DPP10: variants seen among roughly 807,000 people sequenced by gnomAD.
The protein encoded by DPP10 is dipeptidyl peptidase like 10.
A neutral mutation model predicts 120.9 loss-of-function variants in DPP10; 33 were observed. That is an observed-to-expected ratio of 0.27 (90% CI 0.21 to 0.37). The LOEUF is 0.37. DPP10 is among the 10% of genes least tolerant of loss of function. The pLI, the probability that DPP10 is intolerant of heterozygous loss-of-function variation, is 1.00. For missense variants in DPP10, 816 were observed against 942.8 expected, an observed-to-expected ratio of 0.87 and a Z score of 1.76; for synonymous variants, 337 against 326.1, an observed-to-expected ratio of 1.03 and a Z score of -0.36.
chr2:114,737,314 T>C (rs1458949915), intron 1 of DPP10, among the ~76,000 whole-genome samples: 1 of 152,216 alleles, frequency 6.6e-6, no homozygotes, highest in Non-Finnish European at 1.5e-5. Context: ...AACTGGTGTC[T>C]GATTGAAGAA....
At chr2:114,586,560 GATAA>G (rs1690998101) in intron 1 of DPP10, among the ~76,000 whole-genome samples, 1 of 152,206 alleles carries the variant, frequency 6.6e-6, no homozygotes, top group Non-Finnish European at 1.5e-5. Context: ...TTAAGTACTT[GATAA>G]ATAGTCACTA....
chr2:115,558,765 G>A (rs1334271809), intron 5 of DPP10, among the ~76,000 whole-genome samples: 4 of 152,058 alleles, frequency 2.6e-5, no homozygotes, highest in Admixed American at 1.3e-4. Context: ...TACAACTGAG[G>A]CATCAACAAA....
intron 1 of DPP10, among the ~76,000 whole-genome samples, chr2:115,131,624 A>C (rs2050364871): frequency 6.6e-6 from 1 of 152,222 alleles, no homozygotes; most frequent in Admixed American, 6.5e-5. Context: ...AATAAAAAAC[A>C]TGCTTTCAAA....
intron 3 of DPP10, among the ~76,000 whole-genome samples, chr2:115,428,727 A>C (rs1268535092): frequency 6.6e-6 from 1 of 152,194 alleles, no homozygotes. Context: ...CTTGAACATA[A>C]ATTTAACTTC....
At chr2:114,930,529 T>G (rs1695990680) in intron 1 of DPP10, among the ~76,000 whole-genome samples, 1 of 152,258 alleles carries the variant, frequency 6.6e-6, no homozygotes, top group Non-Finnish European at 1.5e-5. Context: ...TGCTTTACTT[T>G]CCAGTAAGTT....
intron 1 of DPP10, among the ~76,000 whole-genome samples, chr2:114,582,533 C>T (rs1305450768): frequency 6.6e-6 from 1 of 152,204 alleles, no homozygotes; most frequent in Non-Finnish European, 1.5e-5. Flanking sequence ...TTCAAAGTGG[C>T]TGTGCCATTC....
At chr2:115,590,289 G>T (rs1210324984) in intron 5 of DPP10, among the ~76,000 whole-genome samples, 8 of 151,746 alleles carry the variant, frequency 5.3e-5, no homozygotes, top group Admixed American at 2.6e-4. Flanking sequence ...TTTACATTAG[G>T]TATATCTCCT....
At chr2:115,557,333 C>T (rs1377271613) in intron 5 of DPP10, among the ~76,000 whole-genome samples, 2 of 152,070 alleles carry the variant, frequency 1.3e-5, no homozygotes, top group African/African-American at 4.8e-5. Flanking sequence ...TTGATGAAAG[C>T]CTACCATATA....
intron 1 of DPP10, among the ~76,000 whole-genome samples, chr2:114,988,393 A>G (rs1270568816): frequency 6.6e-6 from 1 of 152,248 alleles, no homozygotes; most frequent in African/African-American, 2.4e-5. Context: ...AGCTGACCAC[A>G]TATGTGAGAA....
chr2:114,973,308 A>G (rs1007166174), intron 1 of DPP10, among the ~76,000 whole-genome samples: 1 of 151,882 alleles, frequency 6.6e-6, no homozygotes, highest in African/African-American at 2.4e-5. Flanking sequence ...ACTCGTTTAT[A>G]TATTTACCAT....
At chr2:115,802,749 GT>G (rs1190140673) in intron 19 of DPP10, among the ~76,000 whole-genome samples, 4 of 152,064 alleles carry the variant, frequency 2.6e-5, no homozygotes, top group African/African-American at 9.7e-5. Context: ...TTTTGAGTGA[GT>G]TTCTTAATCC....
At chr2:114,938,629 T>C (rs1250705632) in intron 1 of DPP10, among the ~76,000 whole-genome samples, 1 of 152,102 alleles carries the variant, frequency 6.6e-6, no homozygotes, top group African/African-American at 2.4e-5. Flanking sequence ...GTGAAGGAGT[T>C]GTACTTAATT....
At chr2:115,591,031 A>C (rs2149172907) in intron 5 of DPP10, among the ~76,000 whole-genome samples, 1 of 151,788 alleles carries the variant, frequency 6.6e-6, no homozygotes, top group South Asian at 2.1e-4. Context: ...TTCTTGTTTA[A>C]GTTCTTTGTA....
At chr2:114,986,039 T>C (rs114877987) in intron 1 of DPP10, among the ~76,000 whole-genome samples, 2,522 of 152,296 alleles carry the variant, frequency 0.017, 67 homozygotes, top group African/African-American at 0.058. Context: ...TTTATATGGT[T>C]AAATAGTGTA....
chr2:114,641,304 T>A (rs1269309716), intron 1 of DPP10, among the ~76,000 whole-genome samples: 1 of 152,024 alleles, frequency 6.6e-6, no homozygotes, highest in Admixed American at 6.5e-5. Flanking sequence ...TTTTTCCTGA[T>A]AAGTCACCTT....
intron 5 of DPP10, among the ~76,000 whole-genome samples, chr2:115,603,560 GTTTTTTTTTGTTT>G (rs2083489108): frequency 7.9e-6 from 1 of 126,428 alleles, no homozygotes; most frequent in African/African-American, 3.0e-5. Context: ...CGTTGTTGTT[GTTTTTTTTTGTTT>G]TTTTTTTTTT....
At chr2:115,065,088 T>C (rs926426408) in intron 1 of DPP10, among the ~76,000 whole-genome samples, 4 of 152,186 alleles carry the variant, frequency 2.6e-5, no homozygotes, top group African/African-American at 9.7e-5. Flanking sequence ...TAGTCACCCT[T>C]TATATGCTCT....
intron 19 of DPP10, among the ~76,000 whole-genome samples, chr2:115,802,921 G>T: frequency 6.6e-6 from 1 of 152,180 alleles, no homozygotes; most frequent in Admixed American, 6.6e-5. Flanking sequence ...ATTTGGGGTG[G>T]AGAGTTCTGT....
intron 1 of DPP10, among the ~76,000 whole-genome samples, chr2:115,051,547 GTAAA>G (rs1010197257): frequency 6.6e-6 from 1 of 152,124 alleles, no homozygotes; most frequent in African/African-American, 2.4e-5. Context: ...ATGGTTAATA[GTAAA>G]TAAATAGGCA....
Sources: allele counts gnomAD v4.1 joint callset (sites outside exome capture counted in the v4.1 genomes callset), GRCh38; gene constraint gnomAD v4.1.1; transcripts MANE v1.5; gene names NCBI Gene and HGNC (gene_info 2026-07-23, HGNC 2026-07-21).